Variants in HNRNPC observed in about 807,000 individuals in gnomAD.
HNRNPC encodes heterogeneous nuclear ribonucleoprotein C.
Under a neutral mutation model 33.2 loss-of-function variants are expected in HNRNPC, and 3 were observed. The ratio of observed to expected loss-of-function variants is 0.09; its 90% CI spans 0.04 to 0.23. The LOEUF (loss-of-function observed/expected upper bound fraction) is 0.23. Among genes scored for constraint, HNRNPC ranks in the 10% least tolerant of loss-of-function variants. The probability of loss-of-function intolerance (pLI) is 1.00; values close to 1 mark genes in which losing one functional copy is unlikely to be tolerated. For synonymous variants in HNRNPC, 121 were observed against 126.7 expected (o/e 0.96, Z 0.30); for missense variants, 143 against 366.7 (o/e 0.39, Z 4.98).
At chr14:21,231,344 G>A (rs1894092039) in intron 3 of HNRNPC, 1 of 542,262 alleles carries the variant, frequency 1.8e-6, no homozygotes, top group Non-Finnish European at 3.5e-6. Context: ...ACATAAATTA[G>A]AAAATGTGGA....
intron 5 of HNRNPC, among the ~76,000 whole-genome samples, chr14:21,215,696 G>C (rs894630332): frequency 6.6e-6 from 1 of 152,058 alleles, no homozygotes; most frequent in Non-Finnish European, 1.5e-5. Context: ...GTTACGAGTT[G>C]AGACCAGCCT....
chr14:21,224,119 T>C (rs944051174), intron 5 of HNRNPC, among the ~76,000 whole-genome samples: 1 of 152,122 alleles, frequency 6.6e-6, no homozygotes, highest in Non-Finnish European at 1.5e-5. Flanking sequence ...TCAGGTACAG[T>C]GTTACTCAAA....
At chr14:21,239,199 T>C (rs1207639323) in intron 2 of HNRNPC, among the ~76,000 whole-genome samples, 2 of 152,172 alleles carry the variant, frequency 1.3e-5, no homozygotes, top group Non-Finnish European at 2.9e-5. Context: ...ACTTCAAAAG[T>C]GAAGCAGTAG....
intron 2 of HNRNPC, among the ~76,000 whole-genome samples, chr14:21,244,476 T>C (rs1012924993): frequency 3.3e-5 from 5 of 152,224 alleles, no homozygotes; most frequent in Non-Finnish European, 5.9e-5. Flanking sequence ...CCATTTAAGG[T>C]ATCCTTTCTC....
At chr14:21,231,175 C>T (rs1894068317) in intron 3 of HNRNPC, 103 bp from the exon 4 acceptor site, 1 of 1,188,036 alleles carries the variant, frequency 8.4e-7, no homozygotes, top group African/African-American at 1.5e-5. Flanking sequence ...CGCTTTCTCG[C>T]TCAGGCTGGA....
At chr14:21,224,085 CAT>C (rs1195442094) in intron 5 of HNRNPC, among the ~76,000 whole-genome samples, 1 of 152,110 alleles carries the variant, frequency 6.6e-6, no homozygotes, top group Admixed American at 6.5e-5. Flanking sequence ...TCCCTTCATA[CAT>C]ATATATAAAC....
intron 2 of HNRNPC, among the ~76,000 whole-genome samples, chr14:21,247,945 C>T (rs1896182441): frequency 6.6e-6 from 1 of 151,712 alleles, no homozygotes. Flanking sequence ...GAGCCGAGAT[C>T]ACGCCACTGC....
intron 2 of HNRNPC, among the ~76,000 whole-genome samples, chr14:21,258,219 C>T (rs978088934): frequency 2.6e-5 from 4 of 151,908 alleles, no homozygotes; most frequent in African/African-American, 9.7e-5. Context: ...GGTGAAACCC[C>T]ATCTCTACTA....
chr14:21,240,359 A>C (rs1480831673), intron 2 of HNRNPC, among the ~76,000 whole-genome samples: 1 of 152,176 alleles, frequency 6.6e-6, no homozygotes, highest in Non-Finnish European at 1.5e-5. Flanking sequence ...CTTTTAATGG[A>C]GGGAAACCAA....
chr14:21,216,254 T>C (rs1403055331), intron 5 of HNRNPC, among the ~76,000 whole-genome samples: 1 of 152,156 alleles, frequency 6.6e-6, no homozygotes, highest in Non-Finnish European at 1.5e-5. Context: ...AGACATTAGC[T>C]GCAAACAGTG....
intron 2 of HNRNPC, among the ~76,000 whole-genome samples, chr14:21,235,087 T>C (rs746663580): frequency 6.6e-6 from 1 of 152,196 alleles, no homozygotes; most frequent in African/African-American, 2.4e-5. Context: ...TCTGTCTTTA[T>C]GTATGTGATG....
In HNRNPC at chr14:21,226,582, C is replaced by A. The variant is rs187472631; in HGVS notation, c.365+3737G>T. Among the ~76,000 whole-genome samples, 119 of 152,116 alleles carry A rather than the reference C, an allele frequency of 7.8e-4. 3 individuals carry two copies. Among genetic ancestry groups the A allele is most frequent in the Admixed American group, 5.6e-3 (86 of 15,282 alleles). ...AATGAATATTAAAAAGAGGGCCAGG[C>A]GTAGTGGTTCACACATGTCATCTCA... is the stretch of plus-strand genomic sequence containing the variant. On this transcript the variant is annotated intron_variant, in intron 5 of 8. Coordinates refer to ENST00000553300, the MANE Select transcript of HNRNPC (RefSeq NM_004500.4).
chr14:21,230,401 A>T, intron 4 of HNRNPC, 35 bp from the exon 5 acceptor site: 4 of 1,523,082 alleles, frequency 2.6e-6, no homozygotes, highest in Non-Finnish European at 3.6e-6. Flanking sequence ...TTAATTTGGA[A>T]ATGTTTCTAC....
chr14:21,229,367 T>C (rs1464030110), intron 5 of HNRNPC, among the ~76,000 whole-genome samples: 1 of 63,698 alleles, frequency 1.6e-5, no homozygotes, highest in African/African-American at 1.1e-4. Flanking sequence ...CGAGACTGTC[T>C]CAAAAAAAAA....
chr14:21,219,684 G>A (rs1427041915), intron 5 of HNRNPC, among the ~76,000 whole-genome samples: 2 of 151,930 alleles, frequency 1.3e-5, no homozygotes, highest in African/African-American at 4.8e-5. Flanking sequence ...TTCTTTAAAG[G>A]TCACAGTACC....
At chr14:21,231,308 T>TGGGC in intron 3 of HNRNPC, 1 of 620,154 alleles carries the variant, frequency 1.6e-6, no homozygotes, top group South Asian at 1.5e-5. Context: ...TAATACAAAC[T>TGGGC]ACGAAGTTTA....
At position 21,238,697 on chromosome 14, in the gene HNRNPC, G is replaced by A. The variant is rs189269727; in HGVS notation, c.-36-4468C>T. On this transcript the variant is annotated intron_variant, in intron 2 of 8. Coordinates refer to ENST00000553300, the MANE Select transcript of HNRNPC (RefSeq NM_004500.4). Reference sequence around the variant, plus strand: ...TCATATTTCCCCTCTTCTAGTTGAAGGGGTCTAGAATTTTTCTTTTTTTAA... The same window carrying A: ...TCATATTTCCCCTCTTCTAGTTGAAAGGGTCTAGAATTTTTCTTTTTTTAA... 9.2e-5 allele frequency among the ~76,000 whole-genome samples: 14 copies of A among 152,194 alleles called. No homozygotes were observed. In the East Asian group the frequency reaches 1.7e-3, roughly 19 times the overall value.
At chr14:21,231,492 G>A (rs371206709) in intron 3 of HNRNPC, 23 of 426,970 alleles carry the variant, frequency 5.4e-5, no homozygotes, top group East Asian at 2.9e-4. Flanking sequence ...GGACCACCAC[G>A]CCTGGTTAAT....
chr14:21,267,812 T>C (rs1002512814), intron 1 of HNRNPC, among the ~76,000 whole-genome samples: 1 of 152,216 alleles, frequency 6.6e-6, no homozygotes, highest in African/African-American at 2.4e-5. Flanking sequence ...AGTTCTTAAA[T>C]ACTAATTTCT....
Sources: allele counts gnomAD v4.1 joint callset (sites outside exome capture counted in the v4.1 genomes callset), GRCh38; gene constraint gnomAD v4.1.1; transcripts MANE v1.5; gene names NCBI Gene and HGNC (gene_info 2026-07-23, HGNC 2026-07-21).